SHLD1: variants seen among roughly 807,000 people sequenced by gnomAD.
SHLD1 encodes RINN1-REV7-interacting novel NHEJ regulator 3.
Under a neutral mutation model 5.5 loss-of-function variants are expected in SHLD1, and 3 were observed. That is an observed-to-expected ratio of 0.54 (90% CI 0.25 to 1.40). The LOEUF is 1.40. SHLD1 is among the 40% of genes most tolerant of loss of function. The pLI is 0.15. For synonymous variants in SHLD1, 92 were observed against 94.3 expected, an observed-to-expected ratio of 0.98 and a Z score of 0.14; for missense variants, 210 against 244.4, an observed-to-expected ratio of 0.86 and a Z score of 0.94.
intron 2 of SHLD1, among the ~76,000 whole-genome samples, chr20:5,809,411 G>A (rs908565593): frequency 2.6e-5 from 4 of 152,040 alleles, no homozygotes; most frequent in Non-Finnish European, 5.9e-5. Flanking sequence ...CTACTGCCAA[G>A]TGTCTGATTA....
chr20:5,856,515 GA>G (rs1370389462), intron 2 of SHLD1, among the ~76,000 whole-genome samples: 3 of 120,066 alleles, frequency 2.5e-5, no homozygotes, highest in Non-Finnish European at 5.4e-5. Context: ...CGTGGAGCAG[GA>G]AGATGCAGAC....
At chr20:5,779,972 GTTTTTTTTTTTT>G (rs11381238) in intron 2 of SHLD1, among the ~76,000 whole-genome samples, 2 of 81,786 alleles carry the variant, frequency 2.4e-5, no homozygotes, top group Non-Finnish European at 4.5e-5. Flanking sequence ...TACAATTTCT[GTTTTTTTTTTTT>G]TTTTTTTTTT....
rs117004933 is a variant in SHLD1, at chr20:5,788,403, G to A, written c.178+15360G>A. Among the ~76,000 whole-genome samples the A allele has an allele frequency of 2.3e-3, 352 of 152,300 alleles. 4 individuals are homozygous for A. The highest frequency in any genetic ancestry group is 0.01 in the Middle Eastern group (3 of 294). ...TGACCCTCAGACTAACACCATTTTA[G>A]AAGTTGAGTTTGAGGAAAAATGGTT... On this transcript the variant is annotated intron_variant, in intron 2 of 2. Coordinates refer to ENST00000303142, the MANE Select transcript of SHLD1 (RefSeq NM_152504.4).
intron 1 of SHLD1, among the ~76,000 whole-genome samples, chr20:5,756,098 A>C (rs8120556): frequency 0.19 from 28,412 of 151,918 alleles, 3,220 homozygotes; most frequent in African/African-American, 0.31. Context: ...TTGTGCCTAC[A>C]CTTCGAAGAG....
intron 2 of SHLD1, among the ~76,000 whole-genome samples, chr20:5,815,518 G>C (rs2087518181): frequency 1.3e-5 from 2 of 152,176 alleles, no homozygotes; most frequent in African/African-American, 4.8e-5. Flanking sequence ...CCCTATGCCT[G>C]TTTTTGTACA....
At chr20:5,807,162 A>G (rs1440489639) in intron 2 of SHLD1, among the ~76,000 whole-genome samples, 1 of 152,152 alleles carries the variant, frequency 6.6e-6, no homozygotes, top group East Asian at 1.9e-4. Context: ...TTGTGATTCA[A>G]AATTGGCACA....
intron 2 of SHLD1, among the ~76,000 whole-genome samples, chr20:5,840,922 T>A (rs2087849920): frequency 1.3e-5 from 2 of 152,040 alleles, no homozygotes; most frequent in Admixed American, 6.6e-5. Context: ...TTCTTTTTTT[T>A]AATATTCTTA....
At chr20:5,799,204 GA>G (rs71197801) in intron 2 of SHLD1, among the ~76,000 whole-genome samples, 35,000 of 143,822 alleles carry the variant, frequency 0.24, 4,172 homozygotes, top group Middle Eastern at 0.34. Flanking sequence ...CTCTGTCTCA[GA>G]AAAAAAAAAA....
intron 1 of SHLD1, among the ~76,000 whole-genome samples, chr20:5,757,288 G>A (rs1984174291): frequency 6.6e-6 from 1 of 151,698 alleles, no homozygotes; most frequent in Non-Finnish European, 1.5e-5. Context: ...TGTTGGCCAG[G>A]CTGGTCTCGA....
chr20:5,757,622 G>A (rs1370831661), intron 1 of SHLD1, among the ~76,000 whole-genome samples: 1 of 152,030 alleles, frequency 6.6e-6, no homozygotes, highest in Non-Finnish European at 1.5e-5. Context: ...CTTTTTATGA[G>A]ATGGAGTTTC....
intron 2 of SHLD1, among the ~76,000 whole-genome samples, chr20:5,829,457 C>T (rs1184448594): frequency 1.3e-5 from 2 of 152,178 alleles, no homozygotes; most frequent in Non-Finnish European, 2.9e-5. Flanking sequence ...TAATCTCCCT[C>T]TCCCCTCAAA....
chr20:5,779,701 G>T (rs991890541), intron 2 of SHLD1, among the ~76,000 whole-genome samples: 2 of 152,162 alleles, frequency 1.3e-5, no homozygotes, highest in African/African-American at 4.8e-5. Context: ...GTTTCCAGTT[G>T]GAGGGTCATT....
rs533313849 is a variant in SHLD1, at chr20:5,775,923, A to ATTTTTTTTTTTTTTTTTTT, written c.178+2884_178+2902dup. 1.6e-3 allele frequency among the ~76,000 whole-genome samples: 128 copies of ATTTTTTTTTTTTTTTTTTT among 77,668 alleles called. 26 individuals are homozygous for ATTTTTTTTTTTTTTTTTTT. Among genetic ancestry groups the ATTTTTTTTTTTTTTTTTTT allele is most frequent in the African/African-American group, 3.0e-3 (50 of 16,790 alleles). The allele number at this position is 77,668 out of a possible 152,430, so 51.0% of individuals were successfully genotyped here. ...TGCAGTACTGCCTGGTCAGCTCAGGATTTTTTTTTTTTTTTTTTTTTTGAG... is the reference window on the plus strand; with the variant it reads ...TGCAGTACTGCCTGGTCAGCTCAGGATTTTTTTTTTTTTTTTTTTTTTTTTTTTTTTTTTTTTTTTTGAG... On this transcript the variant is annotated intron_variant, in intron 2 of 2. Transcript: ENST00000303142.
At chr20:5,772,171 T>C in intron 1 of SHLD1, 1 of 454,470 alleles carries the variant, frequency 2.2e-6, no homozygotes. Flanking sequence ...CCAGTGTGCC[T>C]GGCCAACTTT....
rs538616250 is a variant in SHLD1 at position 5,864,214 on chromosome 20, C to T, written c.*751C>T. On this transcript the variant is annotated 3_prime_UTR_variant, in exon 3 of 3. Transcript: ENST00000303142. ...ACATTTGGACAATCTAAAATAACAG[C>T]GAAAATTCACAATTCTTTTTAAAAT... 2.6e-5 allele frequency among the ~76,000 whole-genome samples: 4 copies of T among 152,176 alleles called. No individual in the cohort carries two copies. The highest frequency in any genetic ancestry group is 5.9e-5 in the Non-Finnish European group (4 of 68,036).
intron 2 of SHLD1, among the ~76,000 whole-genome samples, chr20:5,862,172 G>T (rs1033015598): frequency 1.6e-4 from 24 of 152,342 alleles, no homozygotes; most frequent in African/African-American, 5.5e-4. Context: ...TTCAACACGT[G>T]AATTTTTTGC....
intron 1 of SHLD1, among the ~76,000 whole-genome samples, chr20:5,769,389 C>T (rs1332701441): frequency 6.6e-6 from 1 of 152,216 alleles, no homozygotes; most frequent in African/African-American, 2.4e-5. Flanking sequence ...TAAACAAATA[C>T]TGAGTTAAAG....
rs145743444 is a variant in SHLD1, at chr20:5,783,831, AG to A, written c.178+10791del. Among the ~76,000 whole-genome samples, 1,245 of 152,120 alleles carry A rather than the reference AG, an allele frequency of 8.2e-3. 18 individuals are homozygous for A. The highest frequency in any genetic ancestry group is 0.029 in the African/African-American group (1,187 of 41,548). On this transcript the variant is annotated intron_variant, in intron 2 of 2. Transcript: ENST00000303142. ...TCCAGGCAGGCATTCATCCAAAGAA[AG>A]GGTGCCAGAACCAGGAGGAGTTCGA...
intron 2 of SHLD1, among the ~76,000 whole-genome samples, chr20:5,818,302 CT>C (rs1446452989): frequency 6.6e-6 from 1 of 152,060 alleles, no homozygotes. Flanking sequence ...TCTAGAACAC[CT>C]GACCTTAAGT....
Sources: gnomAD v4.1 joint callset for allele counts (sites outside exome capture counted in the v4.1 genomes callset) on GRCh38, gnomAD v4.1.1 for gene constraint, MANE v1.5 for transcripts, NCBI Gene and HGNC (gene_info 2026-07-23, HGNC 2026-07-21) for gene names.